Variants in WDR27 observed in about 807,000 individuals in gnomAD.
The protein encoded by WDR27 is WD repeat-containing protein 27.
In WDR27, 100 loss-of-function variants were observed where a neutral mutation model predicts 114.4. The observed-to-expected ratio is 0.87, with a 90% CI of 0.74 to 1.03. The LOEUF is 1.03. WDR27 is among the 50% of genes least tolerant of loss of function. The pLI is 0.00. For missense variants in WDR27, 1,129 were observed against 1,092.9 expected, an observed-to-expected ratio of 1.03 and a Z score of -0.47; for synonymous variants, 449 against 423.1, an observed-to-expected ratio of 1.06 and a Z score of -0.75.
the WDR27 span, among the ~76,000 whole-genome samples, chr6:169,442,293 C>A: frequency 3.9e-5 from 6 of 152,156 alleles, no homozygotes; most frequent in African/African-American, 1.4e-4. Flanking sequence ...TCTCCTGAGG[C>A]AAATAATTTA....
chr6:169,549,883 G>A (rs1023187402), intron 25 of WDR27, among the ~76,000 whole-genome samples: 2 of 152,216 alleles, frequency 1.3e-5, no homozygotes, highest in African/African-American at 4.8e-5. Context: ...AGAGAGGGAT[G>A]AATAGGCAGA....
chr6:169,655,046 C>T (rs1257052018), intron 13 of WDR27, among the ~76,000 whole-genome samples: 1 of 152,210 alleles, frequency 6.6e-6, no homozygotes, highest in East Asian at 1.9e-4. Flanking sequence ...GTGGGTTCGC[C>T]TTCTCTCTCC....
chr6:169,590,773 C>A (rs1805584116), intron 23 of WDR27, among the ~76,000 whole-genome samples: 1 of 152,256 alleles, frequency 6.6e-6, no homozygotes, highest in Admixed American at 6.5e-5. Context: ...GTGGTACCAC[C>A]CACCGGTCTA....
intron 1 of WDR27, chr6:169,689,315 A>G (rs1312537959): frequency 4.4e-6 from 1 of 228,068 alleles, no homozygotes; most frequent in African/African-American, 2.3e-5. Context: ...ACAACTGTCA[A>G]ATGAGAACAG....
At chr6:169,640,415 AG>A (rs1251751297) in intron 17 of WDR27, among the ~76,000 whole-genome samples, 1 of 152,272 alleles carries the variant, frequency 6.6e-6, no homozygotes, top group Admixed American at 6.5e-5. Context: ...TTCACAGCGC[AG>A]AAAAACGTGA....
At chr6:169,492,486 A>T (rs990266561) in intron 25 of WDR27, among the ~76,000 whole-genome samples, 1 of 152,152 alleles carries the variant, frequency 6.6e-6, no homozygotes, top group Non-Finnish European at 1.5e-5. Context: ...CAGCAACATT[A>T]GACACCCGAA....
chr6:169,532,484 T>G (rs1057039981), intron 25 of WDR27, among the ~76,000 whole-genome samples: 1 of 152,158 alleles, frequency 6.6e-6, no homozygotes, highest in South Asian at 2.1e-4. Flanking sequence ...TTTTATCAAA[T>G]CCATAACTTG....
chr6:169,496,439 T>A (rs1473967832), intron 25 of WDR27, among the ~76,000 whole-genome samples: 1 of 152,082 alleles, frequency 6.6e-6, no homozygotes, highest in Non-Finnish European at 1.5e-5. Flanking sequence ...GTCTAAAAGT[T>A]CTAGCCAGAA....
chr6:169,511,083 T>G (rs1309127664), intron 25 of WDR27, among the ~76,000 whole-genome samples: 1 of 152,190 alleles, frequency 6.6e-6, no homozygotes, highest in Non-Finnish European at 1.5e-5. Flanking sequence ...CAGAAACATT[T>G]CTCAATCTCA....
At chr6:169,481,514 A>T (rs577719407) in intron 25 of WDR27, among the ~76,000 whole-genome samples, 2 of 151,918 alleles carry the variant, frequency 1.3e-5, no homozygotes, top group African/African-American at 4.8e-5. Flanking sequence ...GCTGCTGCTC[A>T]CTCTTCGGGT....
intron 23 of WDR27, among the ~76,000 whole-genome samples, chr6:169,593,237 T>C (rs1024953882): frequency 1.3e-5 from 2 of 151,772 alleles, no homozygotes; most frequent in African/African-American, 2.4e-5. Context: ...TAAAATCCCC[T>C]GAGAAAGCAC....
At chr6:169,638,033 T>C (rs1818099191) in intron 18 of WDR27, among the ~76,000 whole-genome samples, 1 of 137,556 alleles carries the variant, frequency 7.3e-6, no homozygotes, top group Admixed American at 6.8e-5. Context: ...AAGAAACTAA[T>C]TGGCCGGGCG....
intron 25 of WDR27, among the ~76,000 whole-genome samples, chr6:169,526,963 C>T (rs1001318508): frequency 6.6e-6 from 1 of 152,164 alleles, no homozygotes; most frequent in African/African-American, 2.4e-5. Flanking sequence ...TACCACTCCG[C>T]ATGAATAGTT....
At chr6:169,464,125 C>T (rs1170352264) in intron 25 of WDR27, among the ~76,000 whole-genome samples, 1 of 152,160 alleles carries the variant, frequency 6.6e-6, no homozygotes, top group African/African-American at 2.4e-5. Flanking sequence ...GATTTCAAAA[C>T]TTACTATTAA....
At chr6:169,563,111 G>T (rs1799900566) in intron 25 of WDR27, among the ~76,000 whole-genome samples, 5 of 152,166 alleles carry the variant, frequency 3.3e-5, no homozygotes, top group Admixed American at 3.3e-4. Flanking sequence ...AGACAATAAA[G>T]CTGACAGCGG....
In WDR27 at chr6:169,670,304, T is replaced by A. The variant is rs764095178; in HGVS notation, c.456+265A>T. 2.1e-4 allele frequency: 62 copies of A among 298,894 alleles called. 1 individual carries two copies. Among genetic ancestry groups the A allele is most frequent in the Admixed American group, 3.3e-4 (7 of 21,262 alleles). 18.5% of individuals were successfully genotyped at this position (298,894 alleles called of 1,614,324 possible). On this transcript the variant is annotated intron_variant, in intron 4 of 25. Coordinates refer to ENST00000448612, the MANE Select transcript of WDR27 (RefSeq NM_182552.5). ...GGGAATATCTGAGAAATAATAGTTT[T>A]GCAGAACATGTTTCTCTAAAGTCAT...
At chr6:169,647,587 C>T (rs1821116185) in intron 16 of WDR27, 186 bp downstream of exon 16, 2 of 675,494 alleles carry the variant, frequency 3.0e-6, no homozygotes, top group Non-Finnish European at 5.3e-6. Flanking sequence ...AGATCACCCT[C>T]ACTACAGTCG....
Position 169,660,767 on chromosome 6 carries a change from C to CT in WDR27, c.1026-2dup, listed in dbSNP as rs1825856940. ...ACATCGGGTGTTCTCAGAAGAAAGA[C>CT]TGATTTAAGGAAAAAAAGAAAAGAA... On this transcript the variant is annotated splice_acceptor_variant, in intron 9 of 25. Coordinates refer to ENST00000448612, the MANE Select transcript of WDR27 (RefSeq NM_182552.5). LOFTEE classifies it high-confidence loss of function. The CT allele has an allele frequency of 6.2e-7, 1 of 1,612,648 alleles. No homozygotes were observed. The highest frequency in any genetic ancestry group is 1.7e-5 in the Admixed American group (1 of 59,996).
intron 25 of WDR27, among the ~76,000 whole-genome samples, chr6:169,540,291 T>G (rs1169914067): frequency 6.6e-6 from 1 of 152,236 alleles, no homozygotes; most frequent in African/African-American, 2.4e-5. Flanking sequence ...TGCTTAAAAT[T>G]ATATTGACTT....
Sources: gnomAD v4.1 joint callset for allele counts (sites outside exome capture counted in the v4.1 genomes callset) on GRCh38, gnomAD v4.1.1 for gene constraint, MANE v1.5 for transcripts, NCBI Gene and HGNC (gene_info 2026-07-23, HGNC 2026-07-21) for gene names.